FLNB: variants seen among roughly 807,000 people sequenced by gnomAD.
The protein encoded by FLNB is filamin B.
A neutral mutation model predicts 250.6 loss-of-function variants in FLNB; 111 were observed. The ratio of observed to expected loss-of-function variants is 0.44; its 90% CI spans 0.38 to 0.52. FLNB has a LOEUF of 0.52. Among genes scored for constraint, FLNB ranks in the 20% least tolerant of loss-of-function variants. The pLI, the probability that FLNB is intolerant of heterozygous loss-of-function variation, is 0.00. For synonymous variants in FLNB, 1,302 were observed against 1,372.1 expected (o/e 0.95, Z 1.13); for missense variants, 2,869 against 3,447.8 (o/e 0.83, Z 4.20).
intron 4 of FLNB, among the ~76,000 whole-genome samples, chr3:58,094,045 G>A (rs770574726): frequency 1.3e-5 from 2 of 152,190 alleles, no homozygotes; most frequent in East Asian, 3.8e-4. Context: ...TTGTATCAAC[G>A]TCAATACCCT....
Position 58,097,919 on chromosome 3 carries a change from G to T in FLNB, c.1089G>T (p.Gly363=), listed in dbSNP as rs753171481. The T allele has an allele frequency of 1.1e-5, 17 of 1,614,048 alleles. No homozygotes were observed. The Middle Eastern group carries it at 1.3e-3, about 125-fold the overall frequency. ...DASKVTAKGP[G]LEAVGNIANK... ...GTAAAGTCACTGCAAAAGGTCCAGG[G>T]TTGGAAGCTGTAGGGAACATCGCCA... Residue 363 remains glycine (G), a synonymous_variant, in exon 7 of 46, where the codon GGG becomes GGT. Coordinates refer to ENST00000295956, the MANE Select transcript of FLNB (RefSeq NM_001457.4).
At chr3:58,027,558 A>G (rs910911912) in intron 1 of FLNB, among the ~76,000 whole-genome samples, 2 of 152,178 alleles carry the variant, frequency 1.3e-5, no homozygotes, top group Non-Finnish European at 2.9e-5. Flanking sequence ...CTGGGATTAC[A>G]GGCATGAGCC....
intron 1 of FLNB, among the ~76,000 whole-genome samples, chr3:58,009,612 T>C (rs539746766): frequency 2.6e-5 from 4 of 152,208 alleles, no homozygotes; most frequent in African/African-American, 7.2e-5. Context: ...TTCTAAGTTA[T>C]CTCCGTCCCT....
rs536647266 is a variant in FLNB at position 58,149,449 on chromosome 3, A to G, written c.6092-401A>G. 2.0e-5 allele frequency: 6 copies of G among 304,188 alleles called. No homozygotes were observed. In the South Asian group the frequency reaches 2.0e-4, roughly 10 times the overall value. The allele number at this position is 304,188 out of a possible 1,614,324, so 18.8% of individuals were successfully genotyped here. The stretch of plus-strand genomic sequence containing the variant: ...CCCTGTTAAACCTTCGGATATGCTG[A>G]CCTAGCTGAGGTAGCCAGGGGCTAT... On this transcript the variant is annotated intron_variant, in intron 36 of 45. Coordinates refer to ENST00000295956, the MANE Select transcript of FLNB (RefSeq NM_001457.4).
Position 58,127,448 on chromosome 3 carries a change from T to A in FLNB, c.4222+686T>A, listed in dbSNP as rs550572634. ...CTAGTAGCTGATCAAGATATGCAGATTCAAATTCTTTCTTTTGTATTTAGT... is the reference window on the plus strand; with the variant it reads ...CTAGTAGCTGATCAAGATATGCAGAATCAAATTCTTTCTTTTGTATTTAGT... On this transcript the variant is annotated intron_variant, in intron 24 of 45. Transcript: ENST00000295956. Among the ~76,000 whole-genome samples, 42 of 152,354 alleles carry A rather than the reference T, an allele frequency of 2.8e-4. 2 individuals carry two copies. The South Asian group carries it at 8.5e-3, about 31-fold the overall frequency.
chr3:58,148,809 G>T lies in FLNB; in HGVS notation c.6048G>T (p.Arg2016=). The T allele has an allele frequency of 6.2e-7, 1 of 1,613,906 alleles. No homozygotes were observed. The change falls in exon 36 of 46, where the codon CGG becomes CGT. Residue 2016 remains arginine (R), a synonymous_variant. Transcript: ENST00000295956. ...KVYGRGLSEG[R]TFEMSDFIVD... is the part of the protein sequence containing the mutation. ...ATGGCCGCGGCCTGTCAGAAGGCCG[G>T]ACTTTCGAGATGTCTGACTTCATCG...
In FLNB at chr3:58,168,596, T is replaced by G. The variant is rs746154157; in HGVS notation, c.7355T>G (p.Ile2452Ser). The G allele has an allele frequency of 6.2e-7, 1 of 1,614,204 alleles. No homozygotes were observed. Among genetic ancestry groups the G allele is most frequent in the Non-Finnish European group, 8.5e-7 (1 of 1,180,040 alleles). The change falls in exon 44 of 46, where the codon ATC becomes AGC. Residue 2452 changes from isoleucine to serine, a missense_variant. Ile to Ser is a moderately radical substitution (Grantham distance 142, BLOSUM62 -2). This residue lies in a region of FLNB where 1,084 missense variants were observed against 1,315.5 expected (regional missense o/e 0.82). Transcript: ENST00000295956. ...CCCATGGCTCCTGGTAACTACCTGATCAGCGTCAAATACGGTGGGCCCAAC... is the reference window on the plus strand; with the variant it reads ...CCCATGGCTCCTGGTAACTACCTGAGCAGCGTCAAATACGGTGGGCCCAAC... Reference protein sequence around the residue: ...YTPMAPGNYLISVKYGGPNHI... With the variant: ...YTPMAPGNYLSSVKYGGPNHI...
intron 41 of FLNB, among the ~76,000 whole-genome samples, chr3:58,157,534 TACCAAGGGTACTAAC>T (rs1257853335): frequency 6.6e-6 from 1 of 152,222 alleles, no homozygotes; most frequent in Non-Finnish European, 1.5e-5. Context: ...ATCCGGAGAA[TACCAAGGGTACTAAC>T]TGGTTACTGT....
intron 29 of FLNB, among the ~76,000 whole-genome samples, chr3:58,140,881 C>T (rs531162349): frequency 3.9e-5 from 6 of 152,222 alleles, no homozygotes; most frequent in African/African-American, 1.2e-4. Flanking sequence ...CTGGGATTAC[C>T]GGCATGAGCC....
At chr3:58,127,599 C>T (rs897302884) in intron 24 of FLNB, among the ~76,000 whole-genome samples, 7 of 152,174 alleles carry the variant, frequency 4.6e-5, no homozygotes, top group African/African-American at 1.7e-4. Flanking sequence ...CATCCCTGCC[C>T]TGTACCTGCT....
At position 58,141,864 on chromosome 3, in the gene FLNB, G is replaced by A. The variant is rs1316168433; in HGVS notation, c.5116G>A (p.Asp1706Asn). Residue 1706 changes from aspartate (D) to asparagine (N), a missense_variant, in exon 30 of 46, where the codon GAT (aspartate) becomes AAT (asparagine). Physicochemically the swap from Asp to Asn is conservative, Grantham distance 23. Coordinates refer to ENST00000295956, the MANE Select transcript of FLNB (RefSeq NM_001457.4). The stretch of plus-strand genomic sequence containing the variant: ...TCCATTTGCCACTGACCAGGCCACA[G>A]ATGGGGAAGTCACAGCCGTGGAGGA... ...PNSPFTVMATDGEVTAVEEAP... is the reference protein window; with the variant it reads ...PNSPFTVMATNGEVTAVEEAP... 8 of 1,614,186 alleles carry A rather than the reference G, an allele frequency of 5.0e-6. No individual in the cohort carries two copies. The East Asian group carries it at 1.8e-4, about 36-fold the overall frequency.
In FLNB at chr3:58,142,704, C is replaced by G. The variant is rs1249474097; in HGVS notation, c.5236C>G (p.Pro1746Ala). Reference sequence around the variant, plus strand: ...TGACATGAACGGCCTGGGATTTAAGCCTTTTGACCTGGTCATTCCGTTTGC... The same window carrying G: ...TGACATGAACGGCCTGGGATTTAAGGCTTTTGACCTGGTCATTCCGTTTGC... ...VSDMNGLGFK[P>A]FDLVIPFAVR... The change falls in exon 31 of 46, where the codon CCT becomes GCT. Residue 1746 changes from proline to alanine, a missense_variant. Coordinates refer to ENST00000295956, the MANE Select transcript of FLNB (RefSeq NM_001457.4). The surrounding 1 kb of genome is among the most constrained non-coding windows in gnomAD (Gnocchi z 4.3). 6.2e-7 allele frequency: 1 copy of G among 1,614,206 alleles called. No individual in the cohort carries two copies. The highest frequency in any genetic ancestry group is 1.1e-5 in the South Asian group (1 of 91,076).
At chr3:58,162,945 T>C (rs2097364137) in intron 42 of FLNB, 1 of 609,434 alleles carries the variant, frequency 1.6e-6, no homozygotes, top group African/African-American at 1.8e-5. Context: ...TTATAGGATT[T>C]GCAATGTGGA....
Position 58,084,062 on chromosome 3 carries a change from C to G in FLNB, c.787+2286C>G, listed in dbSNP as rs188123247. On this transcript the variant is annotated intron_variant, in intron 4 of 45. Transcript: ENST00000295956. Reference sequence around the variant, plus strand: ...CAAAAATTAGCTTGGCGTGGTGGTACAAGCCTGTAGTCCCAGCTACTCGGG... The same window carrying G: ...CAAAAATTAGCTTGGCGTGGTGGTAGAAGCCTGTAGTCCCAGCTACTCGGG... Among the ~76,000 whole-genome samples the G allele has an allele frequency of 6.5e-3, 982 of 151,822 alleles. 8 individuals are homozygous for G. The highest frequency in any genetic ancestry group is 9.6e-3 in the Admixed American group (146 of 15,240).
intron 38 of FLNB, chr3:58,152,933 C>A: frequency 3.2e-6 from 1 of 315,374 alleles, no homozygotes; most frequent in South Asian, 3.1e-5. Flanking sequence ...GAAAGTGTGG[C>A]CCCTGGTCTT....
intron 1 of FLNB, among the ~76,000 whole-genome samples, chr3:58,033,769 A>G (rs536968442): frequency 1.3e-5 from 2 of 152,268 alleles, no homozygotes; most frequent in South Asian, 2.1e-4. Flanking sequence ...CAATAGTCCT[A>G]TTCCTTTTTA....
rs572093404 is a variant in FLNB at position 58,099,895 on chromosome 3, C to T, written c.1345+987C>T. On this transcript the variant is annotated intron_variant, in intron 8 of 45. Coordinates refer to ENST00000295956, the MANE Select transcript of FLNB (RefSeq NM_001457.4). ...AACCCACTGTCTAATTGCCTTTAAACACATCTAGGGCTTTTTTAGATGGTG... is the reference window on the plus strand; with the variant it reads ...AACCCACTGTCTAATTGCCTTTAAATACATCTAGGGCTTTTTTAGATGGTG... Among the ~76,000 whole-genome samples, 5 of 152,324 alleles carry T rather than the reference C, an allele frequency of 3.3e-5. No individual in the cohort carries two copies. In the East Asian group the frequency reaches 9.6e-4, roughly 29 times the overall value.
At position 58,133,042 on chromosome 3, in the gene FLNB, C is replaced by A. The variant is rs1364389521; in HGVS notation, c.4514+111C>A. 7 of 1,217,466 alleles carry A rather than the reference C, an allele frequency of 5.7e-6. No homozygotes were observed. The Admixed American group carries it at 1.0e-4, about 17-fold the overall frequency. The allele number at this position is 1,217,466 out of a possible 1,614,324, so 75.4% of individuals were successfully genotyped here. On this transcript the variant is annotated intron_variant, in intron 26 of 45. Transcript: ENST00000295956. ...GTTCCTCCATCATTCCATCCATCCA[C>A]TCATCCATTCCTCCATCAGTCCATC...
At chr3:58,015,053 G>A (rs2097104032) in intron 1 of FLNB, among the ~76,000 whole-genome samples, 1 of 152,060 alleles carries the variant, frequency 6.6e-6, no homozygotes, top group African/African-American at 2.4e-5. Context: ...TTTCCAGGTA[G>A]CATATCCTAG....
Sources: gnomAD v4.1 joint callset for allele counts (sites outside exome capture counted in the v4.1 genomes callset) on GRCh38, gnomAD v4.1.1 for gene constraint, gnomAD v4.1.1 regional missense constraint, Gnocchi (gnomAD v3.1) non-coding constraint, MANE v1.5 for transcripts, NCBI Gene and HGNC (gene_info 2026-07-23, HGNC 2026-07-21) for gene names.